The following NOP9 variants were observed in gnomAD, a reference collection of about 807,000 sequenced individuals.
NOP9 encodes the protein nucleolar protein 9.
Under a neutral mutation model 63.0 loss-of-function variants are expected in NOP9, and 50 were observed. The observed-to-expected ratio is 0.79, with a 90% CI of 0.63 to 1.00. The LOEUF is 1.00. Among genes scored for constraint, NOP9 ranks in the 50% least tolerant of loss-of-function variants. NOP9 has a pLI of 0.00. For missense variants in NOP9, 758 were observed against 803.0 expected (o/e 0.94, Z 0.68); for synonymous variants, 343 against 332.8 (o/e 1.03, Z -0.33).
In NOP9 at chr14:24,305,695, G is replaced by T. The variant is rs746371523; in HGVS notation, c.*600G>T. On this transcript the variant is annotated 3_prime_UTR_variant, in exon 10 of 10. Transcript: ENST00000267425. ...TCAGCCCCCTCCACTGCATGACGAA[G>T]GGTGGAGGAAATTCCCAGCAACATA... 6.2e-7 allele frequency: 1 copy of T among 1,614,210 alleles called. No homozygotes were observed. Among genetic ancestry groups the T allele is most frequent in the South Asian group, 1.1e-5 (1 of 91,088 alleles).
At chr14:24,299,125 G>A (rs1197402675), upstream of NOP9, 1 of 1,606,066 alleles carries the variant, frequency 6.2e-7, no homozygotes, top group Non-Finnish European at 8.5e-7. Flanking sequence ...GGCAAAGGAG[G>A]CAGGTCTGTG....
the NOP9 span, among the ~76,000 whole-genome samples, chr14:24,278,368 A>T: frequency 6.6e-6 from 1 of 152,250 alleles, no homozygotes; most frequent in South Asian, 2.1e-4. Context: ...TAGGACATCC[A>T]TCACCAAATA....
At chr14:24,279,462 A>G in the NOP9 span, among the ~76,000 whole-genome samples, 1 of 152,194 alleles carries the variant, frequency 6.6e-6, no homozygotes, top group Non-Finnish European at 1.5e-5. Context: ...AGCCAGTGAG[A>G]AGGGAGGGCA....
chr14:24,276,142 C>A, the NOP9 span, among the ~76,000 whole-genome samples: 1 of 151,900 alleles, frequency 6.6e-6, no homozygotes, highest in African/African-American at 2.4e-5. Flanking sequence ...TTTGGGAGGC[C>A]GAGGCAGGCG....
chr14:24,303,307 T>C, intron 6 of NOP9, 93 bp downstream of exon 6: 1 of 1,513,672 alleles, frequency 6.6e-7, no homozygotes. Flanking sequence ...ACCTCTGGAC[T>C]CAGGAAGTCT....
chr14:24,299,305 G>C (rs1398433319), upstream of NOP9: 8 of 591,722 alleles, frequency 1.4e-5, no homozygotes, highest in Admixed American at 2.5e-4. Context: ...GGACAAGGCT[G>C]ACTGTCTTTT....
At chr14:24,289,553 G>T in the NOP9 span, among the ~76,000 whole-genome samples, 2 of 152,176 alleles carry the variant, frequency 1.3e-5, no homozygotes, top group Non-Finnish European at 2.9e-5. Context: ...AATTTAGGCT[G>T]GTAAGTGGAA....
At chr14:24,297,256 C>A (rs1361701489), upstream of NOP9, among the ~76,000 whole-genome samples, 1 of 152,140 alleles carries the variant, frequency 6.6e-6, no homozygotes, top group Admixed American at 6.5e-5. Context: ...CTCTCATGCC[C>A]TTAGCTCCCA....
chr14:24,273,846 T>C, the NOP9 span, among the ~76,000 whole-genome samples: 1 of 152,240 alleles, frequency 6.6e-6, no homozygotes, highest in Non-Finnish European at 1.5e-5. Flanking sequence ...GTTACTTAAC[T>C]TCTGTATTGC....
intron 1 of NOP9, 29 bp downstream of exon 1, chr14:24,300,230 A>G (rs560111090): frequency 6.2e-7 from 1 of 1,607,792 alleles, no homozygotes; most frequent in South Asian, 1.1e-5. Flanking sequence ...GTTTAGACCA[A>G]GAGCATCAAA....
Position 24,304,272 on chromosome 14 carries a change from C to T in NOP9, c.1642C>T (p.Leu548=), listed in dbSNP as rs148244450. 2 of 1,613,066 alleles carry T rather than the reference C, an allele frequency of 1.2e-6. No individual in the cohort carries two copies. Among genetic ancestry groups the T allele is most frequent in the African/African-American group, 2.7e-5 (2 of 74,912 alleles). ...GCTGCGCCGCCGTGTGCTGCAGAACCTAAAGGTTAGATTTCTGGCTTTTGC... is the reference window on the plus strand; with the variant it reads ...GCTGCGCCGCCGTGTGCTGCAGAACTTAAAGGTTAGATTTCTGGCTTTTGC... ...RKLRRRVLQN[L]KGQYVALACS... is the part of the protein sequence containing the mutation. Residue 548 remains leucine, a synonymous_variant, in exon 8 of 10, where the codon CTA becomes TTA. Transcript: ENST00000267425.
chr14:24,290,848 G>C, the NOP9 span: 1 of 1,613,644 alleles, frequency 6.2e-7, no homozygotes, highest in Non-Finnish European at 8.5e-7. Context: ...CGTAGTGTCA[G>C]ACCAGGAGGG....
At chr14:24,291,446 A>G in the NOP9 span, 23 of 1,274,190 alleles carry the variant, frequency 1.8e-5, no homozygotes, top group Non-Finnish European at 2.5e-5. Context: ...AAGCAGAGAA[A>G]AGAATGACAT....
In NOP9 at chr14:24,307,454, G is replaced by A. The variant is rs534959384; in HGVS notation, c.*2359G>A. ...TGATCACAGACACGGAAAGGTCGCT[G>A]GGGTGGTGGAGCTGAGGTCCAGACC... is the stretch of plus-strand genomic sequence containing the variant. On this transcript the variant is annotated 3_prime_UTR_variant, in exon 10 of 10. Coordinates refer to ENST00000267425, the MANE Select transcript of NOP9 (RefSeq NM_174913.3). The A allele has an allele frequency of 8.1e-6, 13 of 1,613,988 alleles. No homozygotes were observed. The highest frequency in any genetic ancestry group is 1.1e-5 in the South Asian group (1 of 91,088).
chr14:24,273,573 A>G, the NOP9 span, among the ~76,000 whole-genome samples: 3 of 152,354 alleles, frequency 2.0e-5, no homozygotes, highest in South Asian at 6.2e-4. Context: ...CCTAGATCCT[A>G]TAACAAATTC....
the NOP9 span, chr14:24,291,103 A>G: frequency 6.2e-7 from 1 of 1,613,804 alleles, no homozygotes; most frequent in Non-Finnish European, 8.5e-7. Flanking sequence ...CAGAGGGAAC[A>G]GCAGTCAAGG....
upstream of NOP9, among the ~76,000 whole-genome samples, chr14:24,297,499 C>T (rs1043877106): frequency 3.0e-4 from 45 of 152,192 alleles, no homozygotes; most frequent in African/African-American, 1.1e-3. Context: ...GGGTCCCCGC[C>T]TATTACCCTC....
chr14:24,300,683 C>T lies in NOP9; in HGVS notation c.523C>T (p.Pro175Ser). 4 of 1,609,700 alleles carry T rather than the reference C, an allele frequency of 2.5e-6. No homozygotes were observed. The highest frequency in any genetic ancestry group is 3.4e-6 in the Non-Finnish European group (4 of 1,177,564). ...EEEEEDGKDG[P>S]TETLEELVLG... The stretch of plus-strand genomic sequence containing the variant: ...GGAGGAGGAGGATGGAAAGGATGGT[C>T]CCACGGAGACCCTGGAGGAGCTGGT... Residue 175 changes from proline to serine, a missense_variant, in exon 2 of 10, where the codon CCC becomes TCC. Coordinates refer to ENST00000267425, the MANE Select transcript of NOP9 (RefSeq NM_174913.3).
At chr14:24,274,233 A>C in the NOP9 span, among the ~76,000 whole-genome samples, 2 of 152,194 alleles carry the variant, frequency 1.3e-5, no homozygotes, top group Non-Finnish European at 2.9e-5. Context: ...CAGATTTGCC[A>C]GGTACAGCCT....
Sources: allele counts gnomAD v4.1 joint callset (sites outside exome capture counted in the v4.1 genomes callset), GRCh38; gene constraint gnomAD v4.1.1; transcripts MANE v1.5; gene names NCBI Gene and HGNC (gene_info 2026-07-23, HGNC 2026-07-21).